CRB2: variants seen among roughly 807,000 people sequenced by gnomAD.
CRB2 encodes crumbs cell polarity complex component 2.
CRB2 carries 85 observed loss-of-function variants against 110.9 expected under a neutral mutation model. That is an observed-to-expected ratio of 0.77 (90% CI 0.64 to 0.92). CRB2 has a LOEUF of 0.92. Ranked by LOEUF, CRB2 falls within the 40% of genes least tolerant of loss-of-function variation. CRB2 has a pLI of 0.00. For synonymous variants in CRB2, 907 were observed against 831.0 expected (o/e 1.09, Z -1.57); for missense variants, 1,843 against 1,851.3 (o/e 1.00, Z 0.08).
chr9:123,360,030 A>C (rs1451235389), intron 1 of CRB2, among the ~76,000 whole-genome samples: 1 of 152,152 alleles, frequency 6.6e-6, no homozygotes, highest in Non-Finnish European at 1.5e-5. Context: ...TAAAGTGAAA[A>C]TTTCACATGC....
rs1385262004 is a variant in CRB2, at chr9:123,366,019, C to T, written c.521C>T (p.Pro174Leu). 2 of 1,592,958 alleles carry T rather than the reference C, an allele frequency of 1.3e-6. No homozygotes were observed. Among genetic ancestry groups the T allele is most frequent in the Non-Finnish European group, 1.7e-6 (2 of 1,176,984 alleles). The change falls in exon 3 of 13, where the codon CCA (proline) becomes CTA (leucine). Residue 174 changes from proline to leucine, a missense_variant. Transcript: ENST00000373631. The stretch of plus-strand genomic sequence containing the variant: ...GGCTCCTTCCGCTGTGTGTGCGCGC[C>T]AGGCTACGGGGGCACCCGTTGCCAG... ...GVGSFRCVCA[P>L]GYGGTRCQLD...
chr9:123,360,040 C>A (rs74740374), intron 1 of CRB2, among the ~76,000 whole-genome samples: 1 of 152,030 alleles, frequency 6.6e-6, no homozygotes, highest in Non-Finnish European at 1.5e-5. Context: ...ATTTCACATG[C>A]ATTGGGAGAT....
chr9:123,377,563 T>C lies in CRB2; in HGVS notation c.*501T>C, dbSNP rs1455250532. On this transcript the variant is annotated 3_prime_UTR_variant, in exon 13 of 13. Transcript: ENST00000373631. ...TCCTAGGGCAGGGGCGGCCCAAGGC[T>C]GCATGTTCTCCAGGAGGCCAGGCCG... is the stretch of plus-strand genomic sequence containing the variant. 1 of 152,658 alleles carries C rather than the reference T, an allele frequency of 6.6e-6. No homozygotes were observed. Among genetic ancestry groups the C allele is most frequent in the Non-Finnish European group, 1.5e-5 (1 of 68,360 alleles). 9.5% of individuals were successfully genotyped at this position (152,658 alleles called of 1,614,324 possible). A position where few individuals can be genotyped will look rare whatever the true frequency, so the allele number is the denominator to read the frequency against.
chr9:123,375,366 G>C, intron 12 of CRB2, 23 bp downstream of exon 12: 1 of 1,560,108 alleles, frequency 6.4e-7, no homozygotes, highest in Non-Finnish European at 8.7e-7. Flanking sequence ...AGGGGTGAGG[G>C]GCCGTGGACG....
intron 9 of CRB2, 126 bp from the exon 10 acceptor site, chr9:123,373,008 T>G: frequency 1.4e-6 from 1 of 723,262 alleles, no homozygotes; most frequent in Non-Finnish European, 2.1e-6. Flanking sequence ...CAGGATTAGA[T>G]GATAGGTGGG....
In CRB2 at chr9:123,372,330, G is replaced by A; in HGVS notation, c.2590G>A (p.Asp864Asn). ...ACCTGCCACGTGTGAGGAGGTCCCT[G>A]ATGGCTTTGTGTGTGAGTGTGTGTC... ...LPPATCEEVPDGFVCVAEATF... is the reference protein window; with the variant it reads ...LPPATCEEVPNGFVCVAEATF... Residue 864 changes from aspartate to asparagine, a missense_variant, in exon 9 of 13, where the codon GAT becomes AAT. By Grantham distance (23) the Asp-to-Asn change is conservative (BLOSUM62 1). Transcript: ENST00000373631. The A allele has an allele frequency of 6.3e-7, 1 of 1,599,082 alleles. No individual in the cohort carries two copies. Among genetic ancestry groups the A allele is most frequent in the South Asian group, 1.1e-5 (1 of 87,562 alleles).
chr9:123,379,135 A>T (rs900268764), downstream of CRB2, among the ~76,000 whole-genome samples: 1 of 151,592 alleles, frequency 6.6e-6, no homozygotes, highest in Admixed American at 6.6e-5. Flanking sequence ...CCTGTCAGTC[A>T]GTCAGTCCTG....
rs3050063 is a variant in CRB2, at chr9:123,366,944, CAAAAAAAAAA to C, written c.755-219_755-210del. On this transcript the variant is annotated intron_variant, in intron 4 of 12. Coordinates refer to ENST00000373631, the MANE Select transcript of CRB2 (RefSeq NM_173689.7). ...TGGGCAACAGAGTGAGATTCTATCT[CAAAAAAAAAA>C]AAAAAAAATTAGTAGTAAGACTAGT... 1.5e-5 allele frequency among the ~76,000 whole-genome samples: 2 copies of C among 133,974 alleles called. 1 individual carries two copies. Among genetic ancestry groups the C allele is most frequent in the Admixed American group, 1.5e-4 (2 of 13,564 alleles). The allele number at this position is 133,974 out of a possible 152,430, so 87.9% of individuals were successfully genotyped here.
At chr9:123,355,319 GGGAGAGC>G (rs1188780770), upstream of CRB2, among the ~76,000 whole-genome samples, 2 of 152,148 alleles carry the variant, frequency 1.3e-5, no homozygotes, top group African/African-American at 4.8e-5. Context: ...TTCCTGGCAG[GGGAGAGC>G]AATGCTTGCT....
chr9:123,369,072 T>C, intron 6 of CRB2: 1 of 644,778 alleles, frequency 1.6e-6, no homozygotes, highest in South Asian at 2.5e-5. Context: ...TGGGCCTGGG[T>C]TCCTCCAGCT....
intron 2 of CRB2, among the ~76,000 whole-genome samples, chr9:123,364,351 C>T (rs867426920): frequency 6.1e-5 from 9 of 148,066 alleles, no homozygotes; most frequent in African/African-American, 1.8e-4. Context: ...GTGGGTTGTG[C>T]GGGCAGTGGG....
At position 123,366,048 on chromosome 9, in the gene CRB2, G is replaced by A. The variant is rs1368076737; in HGVS notation, c.550G>A (p.Asp184Asn). ...CTACGGGGGCACCCGTTGCCAGCTG[G>A]ACCTCGACGAGTGCCAGAGCCAGCC... is the stretch of plus-strand genomic sequence containing the variant. ...PGYGGTRCQL[D>N]LDECQSQPCA... is the part of the protein sequence containing the mutation. Residue 184 changes from aspartate to asparagine, a missense_variant, in exon 3 of 13, where the codon GAC becomes AAC. Asp to Asn is a conservative substitution (Grantham distance 23). Transcript: ENST00000373631. 1.9e-6 allele frequency: 3 copies of A among 1,582,242 alleles called. No homozygotes were observed. The highest frequency in any genetic ancestry group is 2.6e-6 in the Non-Finnish European group (3 of 1,171,760).
Position 123,370,134 on chromosome 9 carries a change from G to A in CRB2, c.1081G>A (p.Glu361Lys). 1 of 1,597,242 alleles carries A rather than the reference G, an allele frequency of 6.3e-7. No homozygotes were observed. The change falls in exon 7 of 13, where the codon GAA (glutamate) becomes AAA (lysine). Residue 361 changes from glutamate (E) to lysine (K), a missense_variant. Coordinates refer to ENST00000373631, the MANE Select transcript of CRB2 (RefSeq NM_173689.7). ...GCCGACATGTGAGGAAGATGTGGAT[G>A]AATGCCTGTCGGATCCCTGCCTGCA... ...AGPTCEEDVD[E>K]CLSDPCLHGG...
chr9:123,375,130 C>T, intron 11 of CRB2, 87 bp from the exon 12 acceptor site: 2 of 1,576,014 alleles, frequency 1.3e-6, no homozygotes, highest in Non-Finnish European at 1.7e-6. Context: ...CTGATGCTTG[C>T]TGAAGTGGGG....
intron 10 of CRB2, 82 bp from the exon 11 acceptor site, chr9:123,374,497 C>G (rs1397954245): frequency 3.2e-6 from 3 of 950,472 alleles, no homozygotes; most frequent in Non-Finnish European, 5.0e-6. Flanking sequence ...AGAACACAAG[C>G]TCAGGTGGCC....
In CRB2 at chr9:123,377,258, G is replaced by A. The variant is rs780151274; in HGVS notation, c.*196G>A. ...AGGGAAACAGAGGCCTAGAGAGGCT[G>A]CGGACTTCTCCATCCCACCCTCGGG... On this transcript the variant is annotated 3_prime_UTR_variant, in exon 13 of 13. Transcript: ENST00000373631. 5.1e-6 allele frequency: 3 copies of A among 593,032 alleles called. 1 individual carries two copies. The highest frequency in any genetic ancestry group is 8.8e-6 in the Non-Finnish European group (3 of 342,280). The allele number at this position is 593,032 out of a possible 1,614,324, so 36.7% of individuals were successfully genotyped here.
At chr9:123,360,677 C>T (rs904637543) in intron 1 of CRB2, among the ~76,000 whole-genome samples, 14 of 152,280 alleles carry the variant, frequency 9.2e-5, no homozygotes, top group South Asian at 2.1e-4. Flanking sequence ...AATGTGGGCC[C>T]GTGATTCCGG....
chr9:123,373,471 C>G lies in CRB2; in HGVS notation c.2940C>G (p.Ala980=). 6.9e-7 allele frequency: 1 copy of G among 1,452,632 alleles called. No individual in the cohort carries two copies. The highest frequency in any genetic ancestry group is 3.0e-5 in the East Asian group (1 of 33,440). The allele number at this position is 1,452,632 out of a possible 1,614,324, so 90.0% of individuals were successfully genotyped here. Residue 980 remains alanine (A), a synonymous_variant, in exon 10 of 13, where the codon GCC becomes GCG. Coordinates refer to ENST00000373631, the MANE Select transcript of CRB2 (RefSeq NM_173689.7). ...GCTGGCTGCTGTGGCTGGATGGTGC[C>G]GCCACCCCGGTGGCGCTGCGCGGCC... ...TSRWLLWLDG[A]ATPVALRGLA...
chr9:123,359,580 C>G (rs1410294319), intron 1 of CRB2, among the ~76,000 whole-genome samples: 2 of 151,808 alleles, frequency 1.3e-5, no homozygotes, highest in Non-Finnish European at 2.9e-5. Context: ...TCCCAAGCAG[C>G]TGGGACTACA....
Sources: gnomAD v4.1 joint callset for allele counts (sites outside exome capture counted in the v4.1 genomes callset) on GRCh38, gnomAD v4.1.1 for gene constraint, MANE v1.5 for transcripts, NCBI Gene and HGNC (gene_info 2026-07-23, HGNC 2026-07-21) for gene names.